CDH13: variants seen among roughly 807,000 people sequenced by gnomAD.
CDH13 encodes cadherin-13.
A neutral mutation model predicts 63.8 loss-of-function variants in CDH13; 24 were observed. That is an observed-to-expected ratio of 0.38 (90% CI 0.27 to 0.53). The LOEUF is 0.53. Among genes scored for constraint, CDH13 ranks in the 20% least tolerant of loss-of-function variants. The probability of loss-of-function intolerance (pLI) is 0.85; values close to 1 mark genes in which losing one functional copy is unlikely to be tolerated. For synonymous variants in CDH13, 503 were observed against 355.3 expected (o/e 1.42, Z -4.67); for missense variants, 1,049 against 903.1 (o/e 1.16, Z -2.07).
intron 8 of CDH13, among the ~76,000 whole-genome samples, chr16:83,618,163 G>T (rs1387422500): frequency 6.6e-6 from 1 of 151,742 alleles, no homozygotes. Flanking sequence ...GGTGGCTCAT[G>T]CCTGTAATAC....
At chr16:83,711,966 G>C (rs1908124521) in intron 10 of CDH13, among the ~76,000 whole-genome samples, 2 of 152,222 alleles carry the variant, frequency 1.3e-5, no homozygotes, top group Admixed American at 1.3e-4. Context: ...TGTTGGCAGA[G>C]TTGGTTCCTT....
intron 6 of CDH13, among the ~76,000 whole-genome samples, chr16:83,464,929 C>T (rs1485312715): frequency 2.6e-5 from 4 of 152,144 alleles, no homozygotes; most frequent in African/African-American, 9.7e-5. Context: ...AGGCATGAGC[C>T]ACTAGATTTT....
At chr16:83,565,530 G>C (rs569760648) in intron 7 of CDH13, among the ~76,000 whole-genome samples, 1 of 151,992 alleles carries the variant, frequency 6.6e-6, no homozygotes, top group African/African-American at 2.4e-5. Context: ...TTCTCTGCTT[G>C]GATGAATTCT....
At chr16:83,460,657 TAAG>T (rs1438780056) in intron 6 of CDH13, among the ~76,000 whole-genome samples, 2 of 151,954 alleles carry the variant, frequency 1.3e-5, no homozygotes, top group Non-Finnish European at 2.9e-5. Context: ...TAGAAACAGA[TAAG>T]AAGTAAAACT....
chr16:83,096,808 G>C (rs568524822), intron 3 of CDH13, among the ~76,000 whole-genome samples: 1 of 152,150 alleles, frequency 6.6e-6, no homozygotes, highest in Non-Finnish European at 1.5e-5. Context: ...CTATTGTTCA[G>C]TTTGCACTTA....
intron 6 of CDH13, among the ~76,000 whole-genome samples, chr16:83,351,569 C>A: frequency 1.3e-5 from 2 of 152,176 alleles, no homozygotes; most frequent in East Asian, 1.9e-4. Context: ...AAACATCAAG[C>A]AACATCATTG....
intron 6 of CDH13, among the ~76,000 whole-genome samples, chr16:83,451,884 T>C (rs941434777): frequency 1.3e-5 from 2 of 152,206 alleles, no homozygotes; most frequent in African/African-American, 4.8e-5. Flanking sequence ...CATCTTTATA[T>C]TCGAGGTTAA....
intron 1 of CDH13, among the ~76,000 whole-genome samples, chr16:82,796,034 G>C (rs988630078): frequency 6.6e-6 from 1 of 151,152 alleles, no homozygotes; most frequent in African/African-American, 2.4e-5. Flanking sequence ...CAAACTAATG[G>C]ACCCAACAGA....
At chr16:83,107,822 T>C (rs532337898) in intron 3 of CDH13, among the ~76,000 whole-genome samples, 83 of 152,184 alleles carry the variant, frequency 5.5e-4, no homozygotes, top group African/African-American at 1.9e-3. Flanking sequence ...TCTTTTCCTT[T>C]TGCTTTTCTT....
intron 1 of CDH13, among the ~76,000 whole-genome samples, chr16:82,760,580 G>A (rs2034796913): frequency 1.3e-5 from 2 of 152,068 alleles, no homozygotes; most frequent in Admixed American, 6.6e-5. Context: ...TGCATACTAG[G>A]AATCATACAA....
intron 6 of CDH13, among the ~76,000 whole-genome samples, chr16:83,420,620 A>C (rs1035713337): frequency 9.9e-5 from 15 of 152,244 alleles, no homozygotes; most frequent in African/African-American, 2.7e-4. Context: ...GGACAGAGCT[A>C]ATAGGATATG....
At chr16:82,816,808 G>A (rs1037509052) in intron 1 of CDH13, among the ~76,000 whole-genome samples, 1 of 119,174 alleles carries the variant, frequency 8.4e-6, no homozygotes, top group Admixed American at 9.6e-5. Context: ...AACTTCGGGG[G>A]GCGGGGGGTG....
At chr16:83,358,374 C>G (rs896227625) in intron 6 of CDH13, among the ~76,000 whole-genome samples, 1 of 152,160 alleles carries the variant, frequency 6.6e-6, no homozygotes, top group Non-Finnish European at 1.5e-5. Context: ...TGCTCTGTGA[C>G]ACGGCCTCAA....
chr16:82,855,922 T>G (rs200592915), intron 1 of CDH13, among the ~76,000 whole-genome samples: 19 of 152,176 alleles, frequency 1.2e-4, no homozygotes, highest in Non-Finnish European at 5.9e-5. Flanking sequence ...GACACTGCTT[T>G]GAGTTCTCTG....
intron 1 of CDH13, among the ~76,000 whole-genome samples, chr16:82,762,479 T>C (rs529136838): frequency 6.6e-6 from 1 of 152,338 alleles, no homozygotes; most frequent in African/African-American, 2.4e-5. Context: ...GAGAGGATGT[T>C]ATTTAATAAA....
chr16:82,726,073 A>G (rs115906276), intron 1 of CDH13, among the ~76,000 whole-genome samples: 1 of 152,170 alleles, frequency 6.6e-6, no homozygotes, highest in Non-Finnish European at 1.5e-5. Flanking sequence ...TTCATTAATC[A>G]TGGGACATTT....
chr16:83,782,058 C>G (rs556508268), intron 12 of CDH13, among the ~76,000 whole-genome samples: 5 of 152,256 alleles, frequency 3.3e-5, no homozygotes, highest in African/African-American at 9.6e-5. Flanking sequence ...CTGTCACCTT[C>G]TGGTAATGAT....
chr16:83,432,848 C>G (rs564485869), intron 6 of CDH13, among the ~76,000 whole-genome samples: 1 of 152,228 alleles, frequency 6.6e-6, no homozygotes, highest in Non-Finnish European at 1.5e-5. Flanking sequence ...AAAATCACCA[C>G]CACACCATAA....
intron 7 of CDH13, among the ~76,000 whole-genome samples, chr16:83,587,718 G>A (rs1176423189): frequency 1.3e-5 from 2 of 152,100 alleles, no homozygotes; most frequent in East Asian, 3.9e-4. Flanking sequence ...AACATACGGA[G>A]CCACCATAAA....
Sources: allele counts gnomAD v4.1 joint callset (sites outside exome capture counted in the v4.1 genomes callset), GRCh38; gene constraint gnomAD v4.1.1; transcripts MANE v1.5; gene names NCBI Gene and HGNC (gene_info 2026-07-23, HGNC 2026-07-21).